Variants in NFASC observed in about 807,000 individuals in gnomAD.
NFASC encodes neurofascin homolog.
Under a neutral mutation model 147.5 loss-of-function variants are expected in NFASC, and 43 were observed. The ratio of observed to expected loss-of-function variants is 0.29; its 90% CI spans 0.23 to 0.38. The LOEUF (loss-of-function observed/expected upper bound fraction) is 0.38, where lower values mean the gene tolerates loss of function less well. NFASC is among the 10% of genes least tolerant of loss of function. The pLI, the probability that NFASC is intolerant of heterozygous loss-of-function variation, is 1.00. For synonymous variants in NFASC, 622 were observed against 665.5 expected, an observed-to-expected ratio of 0.93 and a Z score of 1.01; for missense variants, 1,320 against 1,689.0, an observed-to-expected ratio of 0.78 and a Z score of 3.83.
intron 1 of NFASC, among the ~76,000 whole-genome samples, chr1:204,852,500 AAAAAC>A (rs1207291061): frequency 6.6e-6 from 1 of 152,182 alleles, no homozygotes. Flanking sequence ...ACTCCGTCTG[AAAAAC>A]AAAACAAAAC....
chr1:204,882,638 T>A (rs993413826), intron 1 of NFASC, among the ~76,000 whole-genome samples: 1 of 152,086 alleles, frequency 6.6e-6, no homozygotes, highest in African/African-American at 2.4e-5. Flanking sequence ...TGGGACAATG[T>A]CTTGTTTACC....
intron 1 of NFASC, among the ~76,000 whole-genome samples, chr1:204,900,735 AG>A: frequency 6.6e-6 from 1 of 152,294 alleles, no homozygotes; most frequent in African/African-American, 2.4e-5. Context: ...CCTCACTGAG[AG>A]GGGGACACTG....
intron 1 of NFASC, 45 bp from the exon 2 acceptor site, chr1:204,920,587 T>G: frequency 9.9e-7 from 1 of 1,005,650 alleles, no homozygotes; most frequent in South Asian, 1.4e-5. Flanking sequence ...TTTCTTCCTT[T>G]CTTAGAGTAA....
At chr1:204,915,074 T>A (rs577259568) in intron 1 of NFASC, among the ~76,000 whole-genome samples, 1 of 152,220 alleles carries the variant, frequency 6.6e-6, no homozygotes, top group Admixed American at 6.5e-5. Context: ...GGTCAGGAGA[T>A]CGAGACCATC....
chr1:204,997,893 G>A (rs1460259825), intron 25 of NFASC: 1 of 186,360 alleles, frequency 5.4e-6, no homozygotes, highest in Non-Finnish European at 1.1e-5. Flanking sequence ...GAGCAGCAGG[G>A]AGTGGCTGTG....
rs1021788440 is a variant in NFASC at position 205,015,156 on chromosome 1, A to C, written c.3492-1152A>C. ...TAGAAGTGAGAACGCACTGCCCACT[A>C]TAATGGCAACTCAGCTGGTTGTCTT... On this transcript the variant is annotated intron_variant, in intron 29 of 29. Coordinates refer to ENST00000339876, the MANE Select transcript of NFASC (RefSeq NM_001005388.3). This position sits in a 1 kb window ranked among gnomAD's most constrained non-coding sequence, Gnocchi z 4.0. Among the ~76,000 whole-genome samples, 16 of 152,174 alleles carry C rather than the reference A, an allele frequency of 1.1e-4. No homozygotes were observed. Among genetic ancestry groups the C allele is most frequent in the African/African-American group, 3.6e-4 (15 of 41,474 alleles).
At chr1:204,861,808 A>C (rs1393634624) in intron 1 of NFASC, among the ~76,000 whole-genome samples, 5 of 152,114 alleles carry the variant, frequency 3.3e-5, no homozygotes, top group Non-Finnish European at 7.4e-5. Context: ...TTCTTGACAC[A>C]TGCCAGTCTG....
At chr1:204,976,064 G>A (rs1394582999) in intron 15 of NFASC, among the ~76,000 whole-genome samples, 1 of 152,192 alleles carries the variant, frequency 6.6e-6, no homozygotes, top group Non-Finnish European at 1.5e-5. Context: ...AGGGAGCAAA[G>A]TTGTGCAGGG....
chr1:204,950,199 A>T (rs1474948435), intron 3 of NFASC, among the ~76,000 whole-genome samples: 1 of 152,202 alleles, frequency 6.6e-6, no homozygotes, highest in African/African-American at 2.4e-5. Flanking sequence ...GTGGCATCAG[A>T]TGGAGGGAAA....
chr1:204,839,142 A>G (rs1312407757), intron 1 of NFASC, among the ~76,000 whole-genome samples: 3 of 152,176 alleles, frequency 2.0e-5, no homozygotes, highest in Non-Finnish European at 2.9e-5. Flanking sequence ...TAGAATCTCA[A>G]TGTGCTCATA....
At chr1:204,884,049 A>G (rs1158163731) in intron 1 of NFASC, among the ~76,000 whole-genome samples, 1 of 152,112 alleles carries the variant, frequency 6.6e-6, no homozygotes, top group Non-Finnish European at 1.5e-5. Context: ...ACACAGAAGT[A>G]TTAAGTTGAC....
chr1:204,969,566 C>A (rs577572135), intron 10 of NFASC, among the ~76,000 whole-genome samples: 3 of 152,154 alleles, frequency 2.0e-5, no homozygotes, highest in Non-Finnish European at 2.9e-5. Flanking sequence ...TAATGATGTT[C>A]GAGACCAGAG....
intron 1 of NFASC, among the ~76,000 whole-genome samples, chr1:204,835,571 C>G (rs1187753805): frequency 6.6e-6 from 1 of 152,080 alleles, no homozygotes; most frequent in Non-Finnish European, 1.5e-5. Flanking sequence ...TTCTCCAGGA[C>G]TACTGGAGAA....
At chr1:204,947,553 G>A (rs2093831032) in intron 3 of NFASC, among the ~76,000 whole-genome samples, 1 of 152,176 alleles carries the variant, frequency 6.6e-6, no homozygotes, top group African/African-American at 2.4e-5. Flanking sequence ...CCTCATTGAA[G>A]GCCCAGCCTC....
At chr1:204,982,100 T>C in intron 21 of NFASC, 80 bp downstream of exon 21, 1 of 960,886 alleles carries the variant, frequency 1.0e-6, no homozygotes, top group Middle Eastern at 2.2e-4. Flanking sequence ...GCCAGGAACC[T>C]TGGGGTGGGT....
intron 2 of NFASC, among the ~76,000 whole-genome samples, chr1:204,942,367 G>C (rs1414712978): frequency 1.3e-5 from 2 of 152,206 alleles, no homozygotes; most frequent in Non-Finnish European, 2.9e-5. Flanking sequence ...TAGAAGAGCA[G>C]TCTTGGCTGG....
At chr1:204,886,736 G>A (rs184757694) in intron 1 of NFASC, among the ~76,000 whole-genome samples, 2 of 152,332 alleles carry the variant, frequency 1.3e-5, no homozygotes, top group East Asian at 1.9e-4. Context: ...CTTGCCTAGT[G>A]TTATAGAACT....
At chr1:204,830,718 C>T (rs1360604000) in intron 1 of NFASC, among the ~76,000 whole-genome samples, 2 of 152,004 alleles carry the variant, frequency 1.3e-5, no homozygotes, top group African/African-American at 4.8e-5. Flanking sequence ...CCACTTAGCC[C>T]CAGAAATTGT....
At chr1:204,852,661 A>G (rs987834881) in intron 1 of NFASC, among the ~76,000 whole-genome samples, 3 of 152,182 alleles carry the variant, frequency 2.0e-5, no homozygotes, top group African/African-American at 4.8e-5. Flanking sequence ...CTCAGAAATG[A>G]GCATGGCCAC....
Sources: allele counts gnomAD v4.1 joint callset (sites outside exome capture counted in the v4.1 genomes callset), GRCh38; gene constraint gnomAD v4.1.1; non-coding constraint Gnocchi (gnomAD v3.1); transcripts MANE v1.5; gene names NCBI Gene and HGNC (gene_info 2026-07-23, HGNC 2026-07-21).